PDZD2: variants seen among roughly 807,000 people sequenced by gnomAD.
PDZD2 encodes the protein PDZ domain-containing protein 2.
PDZD2 carries 90 observed loss-of-function variants against 220.7 expected under a neutral mutation model. The ratio of observed to expected loss-of-function variants is 0.41; its 90% CI spans 0.34 to 0.49. PDZD2 has a LOEUF of 0.49. Among genes scored for constraint, PDZD2 ranks in the 20% least tolerant of loss-of-function variants. The probability of loss-of-function intolerance (pLI) is 0.28; values close to 1 mark genes in which losing one functional copy is unlikely to be tolerated. For missense variants in PDZD2, 3,174 were observed against 3,608.5 expected (o/e 0.88, Z 3.08); for synonymous variants, 1,375 against 1,450.5 (o/e 0.95, Z 1.18).
Position 32,037,221 on chromosome 5 carries a change from T to A in PDZD2, c.1408-10T>A. 1 of 1,584,888 alleles carries A rather than the reference T, an allele frequency of 6.3e-7. No homozygotes were observed. The highest frequency in any genetic ancestry group is 8.7e-7 in the Non-Finnish European group (1 of 1,153,390). Reference sequence around the variant, plus strand: ...GCTCTCCCATCAGCTCTGTGCTTTCTGCATTTCAGATGCCTGGGACAGATG... The same window carrying A: ...GCTCTCCCATCAGCTCTGTGCTTTCAGCATTTCAGATGCCTGGGACAGATG... On this transcript the variant is annotated splice_polypyrimidine_tract_variant and intron_variant, in intron 6 of 24. Transcript: ENST00000438447.
At chr5:31,972,523 G>A (rs1440639828) in intron 2 of PDZD2, among the ~76,000 whole-genome samples, 5 of 152,084 alleles carry the variant, frequency 3.3e-5, no homozygotes, top group Non-Finnish European at 7.3e-5. Context: ...TAGATTGTAA[G>A]CTCCACAAAG....
At chr5:31,990,267 G>A (rs1042423772) in intron 3 of PDZD2, among the ~76,000 whole-genome samples, 2 of 152,064 alleles carry the variant, frequency 1.3e-5, no homozygotes, top group African/African-American at 4.8e-5. Context: ...TTAATGTACC[G>A]CTCCTGTTTT....
chr5:31,727,952 A>G (rs1281312299), intron 1 of PDZD2, among the ~76,000 whole-genome samples: 2 of 149,964 alleles, frequency 1.3e-5, no homozygotes, highest in Non-Finnish European at 3.0e-5. Flanking sequence ...GCAGTGAGCC[A>G]AGATCGCACC....
chr5:31,862,113 T>G (rs1349305878), intron 2 of PDZD2, among the ~76,000 whole-genome samples: 1 of 140,894 alleles, frequency 7.1e-6, no homozygotes, highest in Non-Finnish European at 1.5e-5. Flanking sequence ...TTTTTTTTTT[T>G]TTTTTTTTTT....
intron 2 of PDZD2, among the ~76,000 whole-genome samples, chr5:31,935,382 AT>A (rs921104527): frequency 1.7e-4 from 26 of 152,290 alleles, no homozygotes; most frequent in African/African-American, 5.3e-4. Context: ...AGGGAAGCCT[AT>A]TTTTTAACAT....
In PDZD2 at chr5:32,074,151, C is replaced by T; in HGVS notation, c.3045C>T (p.His1015=). Residue 1015 remains histidine (H), a synonymous_variant, in exon 18 of 25, where the codon CAC becomes CAT. Coordinates refer to ENST00000438447, the MANE Select transcript of PDZD2 (RefSeq NM_178140.4). ...CCTCTTCCAAGGGCATGGACGTCCA[C>T]AACCAAGAGGAACGACCCCGGAAAA... ...SISSSKGMDV[H]NQEERPRKTL... The T allele has an allele frequency of 1.2e-6, 2 of 1,614,200 alleles. No homozygotes were observed. The highest frequency in any genetic ancestry group is 2.2e-5 in the South Asian group (2 of 91,090).
chr5:32,060,394 G>A (rs866702996), intron 13 of PDZD2, among the ~76,000 whole-genome samples: 1 of 152,086 alleles, frequency 6.6e-6, no homozygotes, highest in Non-Finnish European at 1.5e-5. Flanking sequence ...GTCAAAATGG[G>A]CAACTTGTCC....
At chr5:31,678,612 CTTAA>C (rs1197399340) in intron 1 of PDZD2, among the ~76,000 whole-genome samples, 2 of 152,016 alleles carry the variant, frequency 1.3e-5, no homozygotes, top group Non-Finnish European at 2.9e-5. Flanking sequence ...AGTGGAATTT[CTTAA>C]TTAATTTATT....
intron 2 of PDZD2, chr5:31,840,446 A>ATATATATATATATT (rs1561499439): frequency 1.4e-5 from 1 of 69,134 alleles, no homozygotes; most frequent in Non-Finnish European, 2.6e-5. Context: ...ATATATATAT[A>ATATATATATATATT]TATTTGTTTA....
intron 2 of PDZD2, among the ~76,000 whole-genome samples, chr5:31,924,714 G>T (rs142732778): frequency 6.6e-6 from 1 of 152,178 alleles, no homozygotes; most frequent in African/African-American, 2.4e-5. Context: ...ACACCAGCAG[G>T]ATCATACCCC....
At chr5:31,956,206 A>G (rs1161756789) in intron 2 of PDZD2, among the ~76,000 whole-genome samples, 2 of 152,088 alleles carry the variant, frequency 1.3e-5, no homozygotes, top group Non-Finnish European at 2.9e-5. Context: ...CCATTGTTCA[A>G]AGTGGGGTAT....
intron 14 of PDZD2, among the ~76,000 whole-genome samples, chr5:32,065,158 G>A (rs1740105251): frequency 6.6e-6 from 1 of 152,076 alleles, no homozygotes; most frequent in South Asian, 2.1e-4. Context: ...AAATTAGCCA[G>A]TGTAGTGGTG....
chr5:31,832,007 T>A (rs1402292809), intron 2 of PDZD2, among the ~76,000 whole-genome samples: 1 of 150,922 alleles, frequency 6.6e-6, no homozygotes, highest in African/African-American at 2.4e-5. Flanking sequence ...TCAAAGTAAC[T>A]AATAAAATGA....
intron 1 of PDZD2, among the ~76,000 whole-genome samples, chr5:31,717,239 GGT>G (rs1274829064): frequency 1.3e-5 from 2 of 152,146 alleles, no homozygotes; most frequent in African/African-American, 4.8e-5. Flanking sequence ...GCTAGTCCTG[GGT>G]GTGTGGAGGC....
chr5:31,896,992 T>C (rs1741627980), intron 2 of PDZD2, among the ~76,000 whole-genome samples: 4 of 152,050 alleles, frequency 2.6e-5, no homozygotes, highest in South Asian at 2.1e-4. Context: ...AGCAATACTT[T>C]ACAGCTGAAA....
chr5:31,794,259 A>T (rs1211273126), intron 1 of PDZD2, among the ~76,000 whole-genome samples: 1 of 152,176 alleles, frequency 6.6e-6, no homozygotes, highest in Admixed American at 6.6e-5. Context: ...ATAATTCACC[A>T]TCTTCAGAAC....
chr5:31,652,441 A>G (rs1220617872), intron 1 of PDZD2, among the ~76,000 whole-genome samples: 1 of 152,228 alleles, frequency 6.6e-6, no homozygotes, highest in Non-Finnish European at 1.5e-5. Flanking sequence ...AAGCTCAGCA[A>G]ACATTTGAAG....
Position 32,087,844 on chromosome 5 carries a change from G to A in PDZD2, c.4396G>A (p.Gly1466Ser). The A allele has an allele frequency of 6.2e-7, 1 of 1,611,762 alleles. No individual in the cohort carries two copies. Among genetic ancestry groups the A allele is most frequent in the South Asian group, 1.1e-5 (1 of 90,918 alleles). Residue 1466 changes from glycine to serine, a missense_variant, in exon 20 of 25, where the codon GGT becomes AGT. Gly to Ser is a moderately conservative substitution (Grantham distance 56, BLOSUM62 0). Transcript: ENST00000438447. The surrounding 1 kb of genome is among the most constrained non-coding windows in gnomAD (Gnocchi z 4.0). ...GGGCCACCCACCAGCCGGGGCTGGAGGTGGGAGCTCCTGCCGTGCCGAACC... is the reference window on the plus strand; with the variant it reads ...GGGCCACCCACCAGCCGGGGCTGGAAGTGGGAGCTCCTGCCGTGCCGAACC... ...AQGHPPAGAG[G>S]GSSCRAEPVP...
chr5:32,101,792 TTATCAAC>T (rs2111693854), intron 24 of PDZD2, among the ~76,000 whole-genome samples: 1 of 152,364 alleles, frequency 6.6e-6, no homozygotes, highest in South Asian at 2.1e-4. Flanking sequence ...ATCCATCTCT[TTATCAAC>T]TTGCATAATT....
Sources: gnomAD v4.1 joint callset for allele counts (sites outside exome capture counted in the v4.1 genomes callset) on GRCh38, gnomAD v4.1.1 for gene constraint, Gnocchi (gnomAD v3.1) non-coding constraint, MANE v1.5 for transcripts, NCBI Gene and HGNC (gene_info 2026-07-23, HGNC 2026-07-21) for gene names.